EYS: variants seen among roughly 807,000 people sequenced by gnomAD.
EYS encodes the protein EGF-like photoreceptor maintenance factor.
EYS carries 250 observed loss-of-function variants against 282.1 expected under a neutral mutation model. That is an observed-to-expected ratio of 0.89 (90% CI 0.80 to 0.98). EYS has a LOEUF of 0.98. Among genes scored for constraint, EYS ranks in the 50% least tolerant of loss-of-function variants. The pLI is 0.00. For synonymous variants in EYS, 1,355 were observed against 1,282.9 expected (o/e 1.06, Z -1.20); for missense variants, 4,016 against 3,709.0 (o/e 1.08, Z -2.15).
At chr6:64,728,479 C>G (rs147028362) in intron 22 of EYS, among the ~76,000 whole-genome samples, 4 of 152,016 alleles carry the variant, frequency 2.6e-5, no homozygotes, top group Non-Finnish European at 5.9e-5. Context: ...GGGCTACAGG[C>G]GCCCGCCACC....
At chr6:64,331,748 A>T (rs551695048) in intron 29 of EYS, among the ~76,000 whole-genome samples, 4 of 152,364 alleles carry the variant, frequency 2.6e-5, no homozygotes, top group African/African-American at 9.6e-5. Context: ...GCCCAAAACA[A>T]TCCATGGCAG....
At chr6:65,073,718 C>T (rs985396087) in intron 12 of EYS, among the ~76,000 whole-genome samples, 1 of 151,450 alleles carries the variant, frequency 6.6e-6, no homozygotes, top group Non-Finnish European at 1.5e-5. Context: ...TGAGACTAGA[C>T]TTTTATTATG....
At chr6:65,572,566 C>A (rs1186475665) in intron 2 of EYS, among the ~76,000 whole-genome samples, 1 of 151,988 alleles carries the variant, frequency 6.6e-6, no homozygotes, top group Non-Finnish European at 1.5e-5. Flanking sequence ...TTAAAATATA[C>A]AGTCATGTGC....
intron 22 of EYS, among the ~76,000 whole-genome samples, chr6:64,712,915 A>T (rs1771259136): frequency 6.6e-6 from 1 of 152,234 alleles, no homozygotes; most frequent in South Asian, 2.1e-4. Context: ...GCATCCAAAG[A>T]TCAAATTCAT....
At chr6:65,069,652 G>A (rs549835354) in intron 12 of EYS, among the ~76,000 whole-genome samples, 4 of 151,882 alleles carry the variant, frequency 2.6e-5, no homozygotes, top group East Asian at 1.9e-4. Flanking sequence ...CCTCAGCTTT[G>A]GTCATGGGCT....
intron 31 of EYS, among the ~76,000 whole-genome samples, chr6:64,167,636 G>A (rs541812664): frequency 1.7e-4 from 25 of 147,110 alleles, no homozygotes; most frequent in South Asian, 1.5e-3. Flanking sequence ...AAGGGCATAC[G>A]TACATACAGA....
chr6:64,586,648 T>C (rs892911930), intron 26 of EYS, among the ~76,000 whole-genome samples: 1 of 152,096 alleles, frequency 6.6e-6, no homozygotes, highest in African/African-American at 2.4e-5. Flanking sequence ...AGTCTTTTTA[T>C]TTAATGATGC....
At chr6:63,905,340 T>C (rs868391250) in intron 35 of EYS, among the ~76,000 whole-genome samples, 215 of 148,852 alleles carry the variant, frequency 1.4e-3, no homozygotes, top group African/African-American at 5.1e-3. Flanking sequence ...TTTTTTTTTT[T>C]TTTTTTTGAG....
At chr6:64,839,746 C>T (rs564336699) in intron 19 of EYS, among the ~76,000 whole-genome samples, 7 of 152,084 alleles carry the variant, frequency 4.6e-5, no homozygotes, top group African/African-American at 9.6e-5. Context: ...GTTTTCAAGA[C>T]GATGCCTTGT....
intron 26 of EYS, among the ~76,000 whole-genome samples, chr6:64,562,944 C>G (rs907343838): frequency 6.6e-5 from 10 of 151,912 alleles, no homozygotes; most frequent in Admixed American, 1.3e-4. Flanking sequence ...AATTGCATAA[C>G]TGTCAATGGT....
chr6:64,258,228 C>T (rs1767468279), intron 30 of EYS, among the ~76,000 whole-genome samples: 2 of 151,934 alleles, frequency 1.3e-5, no homozygotes, highest in Non-Finnish European at 2.9e-5. Context: ...TTTCAAATTT[C>T]TAATTTTCAG....
At chr6:64,724,291 G>T (rs1438726375) in intron 22 of EYS, among the ~76,000 whole-genome samples, 1 of 152,154 alleles carries the variant, frequency 6.6e-6, no homozygotes, top group Non-Finnish European at 1.5e-5. Context: ...CAAAGCATGT[G>T]CAGTTTTGAC....
At chr6:64,302,124 C>T (rs1769258777) in intron 30 of EYS, among the ~76,000 whole-genome samples, 1 of 152,188 alleles carries the variant, frequency 6.6e-6, no homozygotes, top group Non-Finnish European at 1.5e-5. Flanking sequence ...CAGCTCACTG[C>T]CCGGTTTATT....
chr6:65,202,126 A>G (rs894852615), intron 12 of EYS, among the ~76,000 whole-genome samples: 1 of 151,912 alleles, frequency 6.6e-6, no homozygotes, highest in South Asian at 2.1e-4. Flanking sequence ...AAAAAAATGT[A>G]TTTTACAACC....
chr6:64,563,308 C>T (rs570173966), intron 26 of EYS, among the ~76,000 whole-genome samples: 2 of 152,024 alleles, frequency 1.3e-5, no homozygotes, highest in African/African-American at 4.8e-5. Context: ...AACTAGTTTA[C>T]AGCGTTCTTT....
chr6:63,970,798 T>C (rs1424810717), intron 35 of EYS, among the ~76,000 whole-genome samples: 2 of 152,208 alleles, frequency 1.3e-5, no homozygotes, highest in African/African-American at 4.8e-5. Flanking sequence ...TTTAATCCAC[T>C]TATTTTTATT....
At chr6:63,861,273 C>A (rs1178490869) in intron 36 of EYS, among the ~76,000 whole-genome samples, 1 of 152,152 alleles carries the variant, frequency 6.6e-6, no homozygotes, top group Non-Finnish European at 1.5e-5. Flanking sequence ...TTGGTTCTAA[C>A]CTTTTCACAC....
chr6:64,518,551 G>A (rs72874924), intron 26 of EYS, among the ~76,000 whole-genome samples: 45,348 of 151,352 alleles, frequency 0.3, 6,782 homozygotes, highest in East Asian at 0.46. Context: ...CTTAAAAATA[G>A]TCTTTAGTTG....
intron 12 of EYS, among the ~76,000 whole-genome samples, chr6:65,058,495 A>C (rs2150158073): frequency 7.2e-6 from 1 of 139,160 alleles, no homozygotes; most frequent in South Asian, 2.3e-4. Flanking sequence ...CTATTTACTA[A>C]TAAAGCCATG....
Sources: allele counts gnomAD v4.1 joint callset (sites outside exome capture counted in the v4.1 genomes callset), GRCh38; gene constraint gnomAD v4.1.1; transcripts MANE v1.5; gene names NCBI Gene and HGNC (gene_info 2026-07-23, HGNC 2026-07-21).